The following RABGAP1L variants were observed in gnomAD, a reference collection of about 807,000 sequenced individuals.
RABGAP1L encodes the protein rab GTPase-activating protein 1-like.
RABGAP1L carries 63 observed loss-of-function variants against 137.7 expected under a neutral mutation model. The observed-to-expected ratio is 0.46, with a 90% CI of 0.37 to 0.56. The LOEUF is 0.56. Among genes scored for constraint, RABGAP1L ranks in the 20% least tolerant of loss-of-function variants. The probability of loss-of-function intolerance (pLI) is 0.00; values close to 1 mark genes in which losing one functional copy is unlikely to be tolerated. For missense variants in RABGAP1L, 1,095 were observed against 1,244.0 expected, an observed-to-expected ratio of 0.88 and a Z score of 1.80; for synonymous variants, 431 against 433.7, an observed-to-expected ratio of 0.99 and a Z score of 0.08.
At position 174,631,893 on chromosome 1, in the gene RABGAP1L, A is replaced by G. The variant is rs1309520143; in HGVS notation, c.1711-5482A>G. 1.1e-4 allele frequency among the ~76,000 whole-genome samples: 16 copies of G among 141,548 alleles called. No individual in the cohort carries two copies. In the East Asian group the frequency reaches 3.1e-3, roughly 28 times the overall value. The allele number at this position is 141,548 out of a possible 152,430, so 92.9% of individuals were successfully genotyped here. ...TAATTGGAGAATTTAGTCCATTTAC[A>G]TTTAAAGTTAATATTGTTATGTGTG... On this transcript the variant is annotated intron_variant, in intron 13 of 25. Transcript: ENST00000681986.
In RABGAP1L at chr1:174,354,569, C is replaced by A. The variant is rs1287671483; in HGVS notation, c.1466-16410C>A. On this transcript the variant is annotated intron_variant, in intron 11 of 25. Transcript: ENST00000681986. The stretch of plus-strand genomic sequence containing the variant: ...GTTACTGAATGATAGCCATATGCTA[C>A]CCTTATGATTAAGAAAGCATTTTCC... 2.0e-5 allele frequency among the ~76,000 whole-genome samples: 3 copies of A among 152,174 alleles called. 1 individual carries two copies. The highest frequency in any genetic ancestry group is 7.2e-5 in the African/African-American group (3 of 41,450).
chr1:174,491,014 G>A (rs1398737064), intron 13 of RABGAP1L, among the ~76,000 whole-genome samples: 1 of 152,122 alleles, frequency 6.6e-6, no homozygotes, highest in Non-Finnish European at 1.5e-5. Flanking sequence ...CCATCTAAAA[G>A]CCAAGGCCTG....
chr1:174,547,861 C>T (rs41266050), intron 13 of RABGAP1L: 355,471 of 1,534,614 alleles, frequency 0.23, 42,640 homozygotes, highest in Admixed American at 0.25. Flanking sequence ...TAGTCTTACA[C>T]CGAGACAGAC....
chr1:174,520,914 T>C (rs1180588073), intron 13 of RABGAP1L, among the ~76,000 whole-genome samples: 4 of 152,130 alleles, frequency 2.6e-5, no homozygotes, highest in Non-Finnish European at 5.9e-5. Context: ...GGCAGGAGAA[T>C]CGCTTGAACC....
At chr1:174,914,847 T>C (rs1185293437) in intron 19 of RABGAP1L, among the ~76,000 whole-genome samples, 1 of 152,148 alleles carries the variant, frequency 6.6e-6, no homozygotes, top group Non-Finnish European at 1.5e-5. Context: ...CCCAGATCCA[T>C]TCACCCCTAA....
Position 174,692,526 on chromosome 1 carries a change from A to C in RABGAP1L, c.1900-6999A>C, listed in dbSNP as rs79034826. 4.6e-5 allele frequency among the ~76,000 whole-genome samples: 7 copies of C among 152,162 alleles called. No homozygotes were observed. The East Asian group carries it at 7.7e-4, about 17-fold the overall frequency. ...GCAGTTTGTCTGAGTCATAAAAAGC[A>C]TGGGGAGGAGGAGGGGGACATTCTT... On this transcript the variant is annotated intron_variant, in intron 15 of 25. Coordinates refer to ENST00000681986, the MANE Select transcript of RABGAP1L (RefSeq NM_001366446.1).
intron 11 of RABGAP1L, among the ~76,000 whole-genome samples, chr1:174,313,137 C>G (rs1679021436): frequency 6.6e-6 from 1 of 152,070 alleles, no homozygotes; most frequent in African/African-American, 2.4e-5. Context: ...CCGTGCTAGG[C>G]AGGATGGTCT....
chr1:174,730,813 A>G (rs1468862071), intron 17 of RABGAP1L, among the ~76,000 whole-genome samples: 1 of 152,144 alleles, frequency 6.6e-6, no homozygotes, highest in African/African-American at 2.4e-5. Flanking sequence ...GAGGCATAAA[A>G]TGACTTCTCA....
chr1:174,467,314 T>G (rs530260076), intron 13 of RABGAP1L, among the ~76,000 whole-genome samples: 88 of 152,254 alleles, frequency 5.8e-4, no homozygotes, highest in Middle Eastern at 3.4e-3. Context: ...TTTATCATCT[T>G]TTCAGGGGTC....
chr1:174,694,634 A>G (rs1301501979), intron 15 of RABGAP1L, among the ~76,000 whole-genome samples: 8 of 151,672 alleles, frequency 5.3e-5, no homozygotes, highest in Non-Finnish European at 1.2e-4. Context: ...AGTCTTTGCT[A>G]TTGTGAATAA....
intron 13 of RABGAP1L, among the ~76,000 whole-genome samples, chr1:174,430,242 T>C (rs1558226924): frequency 6.6e-6 from 1 of 151,768 alleles, no homozygotes; most frequent in Non-Finnish European, 1.5e-5. Flanking sequence ...ATTAGCCGGG[T>C]GTGGTGGTAC....
At chr1:174,484,240 A>G (rs551962594) in intron 13 of RABGAP1L, among the ~76,000 whole-genome samples, 2 of 152,188 alleles carry the variant, frequency 1.3e-5, no homozygotes, top group East Asian at 3.9e-4. Context: ...CCCATTTTTT[A>G]ATAAGATTGT....
chr1:174,968,162 C>T (rs1669808019), intron 20 of RABGAP1L, among the ~76,000 whole-genome samples: 1 of 152,212 alleles, frequency 6.6e-6, no homozygotes, highest in African/African-American at 2.4e-5. Context: ...ATAGAAGATA[C>T]AATTAACTTC....
chr1:174,934,597 T>A (rs1299113486), intron 19 of RABGAP1L, among the ~76,000 whole-genome samples: 2 of 151,404 alleles, frequency 1.3e-5, no homozygotes, highest in Non-Finnish European at 2.9e-5. Flanking sequence ...TTGAGACCAG[T>A]TGGGCAGCAC....
At chr1:174,244,401 A>G (rs1303060902) in intron 5 of RABGAP1L, 1 of 152,244 alleles carries the variant, frequency 6.6e-6, no homozygotes, top group Non-Finnish European at 1.5e-5. Context: ...TTATTTCACT[A>G]TAAAATCCCT....
At chr1:174,606,463 T>TTTAAAGCTAC (rs1670802631) in intron 13 of RABGAP1L, among the ~76,000 whole-genome samples, 2 of 152,206 alleles carry the variant, frequency 1.3e-5, no homozygotes, top group African/African-American at 2.4e-5. Context: ...TTATGCCAAT[T>TTTAAAGCTAC]TTAAAGCTAC....
chr1:174,724,557 G>T (rs1681833861), intron 17 of RABGAP1L, among the ~76,000 whole-genome samples: 1 of 152,090 alleles, frequency 6.6e-6, no homozygotes, highest in Admixed American at 6.5e-5. Context: ...ACATCTAGAG[G>T]ACCAGAGATA....
chr1:174,164,525 T>C (rs1664755375), intron 1 of RABGAP1L, among the ~76,000 whole-genome samples: 1 of 152,224 alleles, frequency 6.6e-6, no homozygotes, highest in Non-Finnish European at 1.5e-5. Context: ...TTAGCTATAA[T>C]GGCTTGCAAG....
intron 1 of RABGAP1L, among the ~76,000 whole-genome samples, chr1:174,190,814 C>T (rs1667160759): frequency 6.6e-6 from 1 of 152,234 alleles, no homozygotes; most frequent in Non-Finnish European, 1.5e-5. Context: ...TTAATCATTT[C>T]TAGCTTTTGC....
Sources: gnomAD v4.1 joint callset for allele counts (sites outside exome capture counted in the v4.1 genomes callset) on GRCh38, gnomAD v4.1.1 for gene constraint, MANE v1.5 for transcripts, NCBI Gene and HGNC (gene_info 2026-07-23, HGNC 2026-07-21) for gene names.